The following CSMD1 variants were observed in gnomAD, a reference collection of about 807,000 sequenced individuals.
CSMD1 encodes CUB and sushi domain-containing protein 1.
A neutral mutation model predicts 417.5 loss-of-function variants in CSMD1; 213 were observed. That is an observed-to-expected ratio of 0.51 (90% CI 0.46 to 0.57). CSMD1 has a LOEUF of 0.57. Among genes scored for constraint, CSMD1 ranks in the 20% least tolerant of loss-of-function variants. The pLI is 0.00. For missense variants in CSMD1, 6,923 were observed against 4,529.7 expected (o/e 1.53, Z -15.17); for synonymous variants, 2,862 against 1,736.8 (o/e 1.65, Z -16.11).
At chr8:4,105,324 G>C (rs555879265) in intron 3 of CSMD1, among the ~76,000 whole-genome samples, 1 of 140,086 alleles carries the variant, frequency 7.1e-6, no homozygotes, top group African/African-American at 2.7e-5. Context: ...TCTTAATCTT[G>C]TAACACTTCT....
intron 25 of CSMD1, among the ~76,000 whole-genome samples, chr8:3,300,136 A>G (rs1367259081): frequency 6.6e-6 from 1 of 152,250 alleles, no homozygotes; most frequent in Admixed American, 6.5e-5. Flanking sequence ...GTAACTAAAT[A>G]GGATGAGGCA....
At chr8:4,242,700 T>C (rs1294019273) in intron 3 of CSMD1, among the ~76,000 whole-genome samples, 1 of 134,464 alleles carries the variant, frequency 7.4e-6, no homozygotes, top group East Asian at 2.2e-4. Flanking sequence ...CACTCTGCTG[T>C]GAGTGGAGCC....
At chr8:3,515,100 T>C (rs1036975609) in intron 10 of CSMD1, among the ~76,000 whole-genome samples, 1 of 152,200 alleles carries the variant, frequency 6.6e-6, no homozygotes, top group Non-Finnish European at 1.5e-5. Flanking sequence ...TTTACACATT[T>C]AAAAAATCAG....
intron 1 of CSMD1, among the ~76,000 whole-genome samples, chr8:4,977,439 A>G (rs1292454057): frequency 6.6e-6 from 1 of 152,168 alleles, no homozygotes; most frequent in Non-Finnish European, 1.5e-5. Flanking sequence ...GGGTGGGTGC[A>G]TGTCCACGGA....
intron 2 of CSMD1, among the ~76,000 whole-genome samples, chr8:4,582,496 G>A (rs1327289999): frequency 1.3e-5 from 2 of 152,174 alleles, no homozygotes; most frequent in Non-Finnish European, 2.9e-5. Flanking sequence ...GCACCAGGCA[G>A]GAAATGGAGA....
At chr8:3,748,345 T>C (rs1351428477) in intron 6 of CSMD1, among the ~76,000 whole-genome samples, 1 of 152,192 alleles carries the variant, frequency 6.6e-6, no homozygotes, top group Non-Finnish European at 1.5e-5. Flanking sequence ...ACTTCATGCA[T>C]CCATACCTAC....
rs1802967611 is a variant in CSMD1 at position 3,284,251 on chromosome 8, C to G, written c.4046G>C (p.Ser1349Thr). 6.2e-7 allele frequency: 1 copy of G among 1,613,826 alleles called. No homozygotes were observed. The highest frequency in any genetic ancestry group is 8.5e-7 in the Non-Finnish European group (1 of 1,179,756). ...VDSDILLKEW[S>T]GSALPEDIHS... is the part of the protein sequence containing the mutation. ...GATGTCCTCCGGAAGGGCGGAGCCA[C>G]TCCACTCCTTCAGCAGGATGTCACT... The change falls in exon 26 of 70, where the codon AGT (serine) becomes ACT (threonine). Residue 1349 changes from serine to threonine, a missense_variant. By Grantham distance (58) the Ser-to-Thr change is moderately conservative. Transcript: ENST00000635120.
intron 3 of CSMD1, among the ~76,000 whole-genome samples, chr8:4,353,458 G>A (rs1374292957): frequency 6.6e-6 from 1 of 151,924 alleles, no homozygotes; most frequent in Non-Finnish European, 1.5e-5. Context: ...TATTAGCAGT[G>A]TGAGAAAAGA....
chr8:4,272,351 C>G (rs1804657056), intron 3 of CSMD1, among the ~76,000 whole-genome samples: 1 of 152,228 alleles, frequency 6.6e-6, no homozygotes, highest in Admixed American at 6.5e-5. Context: ...TGTTATTCCA[C>G]TAATTGCTGT....
intron 7 of CSMD1, among the ~76,000 whole-genome samples, chr8:3,638,870 C>T (rs1013546321): frequency 2.0e-5 from 3 of 152,062 alleles, no homozygotes; most frequent in African/African-American, 7.2e-5. Context: ...GATAAAACTA[C>T]AAGAAAAATG....
chr8:2,984,279 G>A (rs1256142198), intron 54 of CSMD1, among the ~76,000 whole-genome samples: 1 of 152,200 alleles, frequency 6.6e-6, no homozygotes, highest in Non-Finnish European at 1.5e-5. Flanking sequence ...CAAACGCACA[G>A]GAGGGAGAGG....
At chr8:3,466,077 T>G (rs982056314) in intron 12 of CSMD1, among the ~76,000 whole-genome samples, 2 of 152,166 alleles carry the variant, frequency 1.3e-5, no homozygotes, top group East Asian at 1.9e-4. Flanking sequence ...ATCTCAAAAT[T>G]AAAATGAAAA....
intron 2 of CSMD1, among the ~76,000 whole-genome samples, chr8:4,616,988 C>T (rs1801507684): frequency 6.6e-6 from 1 of 151,814 alleles, no homozygotes. Context: ...CTAATAGATT[C>T]CTTAATATTC....
intron 1 of CSMD1, among the ~76,000 whole-genome samples, chr8:4,640,265 TA>T (rs1803109663): frequency 1.3e-5 from 2 of 152,220 alleles, no homozygotes; most frequent in Admixed American, 1.3e-4. Flanking sequence ...CAAAAGTTCT[TA>T]GCAGAATGAA....
Position 3,382,419 on chromosome 8 carries a change from CAT to C in CSMD1, c.2782+5073_2782+5074del, listed in dbSNP as rs1351475389. 1.6e-3 allele frequency among the ~76,000 whole-genome samples: 213 copies of C among 136,680 alleles called. 1 individual carries two copies. Among genetic ancestry groups the C allele is most frequent in the African/African-American group, 5.5e-3 (204 of 37,064 alleles). 89.7% of individuals were successfully genotyped at this position (136,680 alleles called of 152,430 possible). A position where few individuals can be genotyped will look rare whatever the true frequency, so the allele number is the denominator to read the frequency against. On this transcript the variant is annotated intron_variant, in intron 18 of 69. Transcript: ENST00000635120. ...ATATGTTATTATATAATATATAACA[CAT>C]AATATATTATATAATAACATATATA...
chr8:4,378,121 T>C lies in CSMD1; in HGVS notation c.415+41832A>G, dbSNP rs557096690. Reference sequence around the variant, plus strand: ...AAACACAGAAGCCAAATTTTACGGGTGGCATGGAGTGTACATGCTTCAATA... The same window carrying C: ...AAACACAGAAGCCAAATTTTACGGGCGGCATGGAGTGTACATGCTTCAATA... On this transcript the variant is annotated intron_variant, in intron 3 of 69. Coordinates refer to ENST00000635120, the MANE Select transcript of CSMD1 (RefSeq NM_033225.6). Among the ~76,000 whole-genome samples, 386 of 152,296 alleles carry C rather than the reference T, an allele frequency of 2.5e-3. 2 individuals carry two copies. The highest frequency in any genetic ancestry group is 4.1e-3 in the Non-Finnish European group (278 of 68,014).
At chr8:3,063,212 G>C (rs929070523) in intron 49 of CSMD1, among the ~76,000 whole-genome samples, 1 of 152,102 alleles carries the variant, frequency 6.6e-6, no homozygotes, top group African/African-American at 2.4e-5. Context: ...TGGGCTTGTT[G>C]GGCATACTCT....
At chr8:3,942,144 G>C (rs142839314) in intron 5 of CSMD1, among the ~76,000 whole-genome samples, 4 of 151,998 alleles carry the variant, frequency 2.6e-5, no homozygotes, top group Non-Finnish European at 4.4e-5. Context: ...GTCACCCCCA[G>C]ATGGGACCAT....
chr8:4,827,039 G>A (rs945213308), intron 1 of CSMD1, among the ~76,000 whole-genome samples: 2 of 152,136 alleles, frequency 1.3e-5, no homozygotes, highest in Middle Eastern at 6.8e-3. Flanking sequence ...TTGTATCCAT[G>A]GATGGCTAAC....
Sources: gnomAD v4.1 joint callset for allele counts (sites outside exome capture counted in the v4.1 genomes callset) on GRCh38, gnomAD v4.1.1 for gene constraint, MANE v1.5 for transcripts, NCBI Gene and HGNC (gene_info 2026-07-23, HGNC 2026-07-21) for gene names.